The following PDE1C variants were observed in gnomAD, a reference collection of about 807,000 sequenced individuals.
The protein encoded by PDE1C is dual specificity calcium/calmodulin-dependent 3',5'-cyclic nucleotide phosphodiesterase 1C.
Under a neutral mutation model 93.1 loss-of-function variants are expected in PDE1C, and 62 were observed. The ratio of observed to expected loss-of-function variants is 0.67; its 90% CI spans 0.54 to 0.82. The LOEUF (loss-of-function observed/expected upper bound fraction) is 0.82, where lower values mean the gene tolerates loss of function less well. Among genes scored for constraint, PDE1C ranks in the 40% least tolerant of loss-of-function variants. The pLI is 0.00. For synonymous variants in PDE1C, 325 were observed against 310.1 expected, an observed-to-expected ratio of 1.05 and a Z score of -0.50; for missense variants, 742 against 884.6, an observed-to-expected ratio of 0.84 and a Z score of 2.04.
At chr7:32,266,291 AG>A (rs1469391379) in intron 1 of PDE1C, among the ~76,000 whole-genome samples, 2 of 151,728 alleles carry the variant, frequency 1.3e-5, no homozygotes, top group Non-Finnish European at 2.9e-5. Flanking sequence ...CAAAAAAAAA[AG>A]AAAAGAAAAA....
chr7:32,326,218 CCAT>C (rs1783400735), intron 1 of PDE1C, among the ~76,000 whole-genome samples: 1 of 152,150 alleles, frequency 6.6e-6, no homozygotes, highest in Non-Finnish European at 1.5e-5. Context: ...ATTTAGACAA[CCAT>C]AGATTAGACT....
intron 2 of PDE1C, among the ~76,000 whole-genome samples, chr7:31,987,112 T>C (rs1463778739): frequency 1.3e-5 from 2 of 152,222 alleles, no homozygotes; most frequent in Non-Finnish European, 2.9e-5. Flanking sequence ...CATGTTTGCA[T>C]GGACTAGGAT....
At chr7:31,704,908 A>G in the PDE1C span, among the ~76,000 whole-genome samples, 3 of 152,162 alleles carry the variant, frequency 2.0e-5, no homozygotes, top group Admixed American at 1.3e-4. Flanking sequence ...AACCCAGGCC[A>G]TCTTCATGTC....
At chr7:32,101,158 G>A (rs1798017003) in intron 3 of PDE1C, among the ~76,000 whole-genome samples, 1 of 152,166 alleles carries the variant, frequency 6.6e-6, no homozygotes. Context: ...GCAAAAGGAG[G>A]TCAACCTGTC....
At chr7:31,659,732 A>G in the PDE1C span, among the ~76,000 whole-genome samples, 1 of 152,212 alleles carries the variant, frequency 6.6e-6, no homozygotes, top group Non-Finnish European at 1.5e-5. Flanking sequence ...TCTGAAAAGC[A>G]CTATATTGCA....
At chr7:32,288,345 G>C (rs1812132231) in intron 1 of PDE1C, among the ~76,000 whole-genome samples, 1 of 152,154 alleles carries the variant, frequency 6.6e-6, no homozygotes, top group Non-Finnish European at 1.5e-5. Context: ...ATTATCATCA[G>C]CAACATGGGG....
chr7:31,891,439 G>A (rs1429224181), intron 2 of PDE1C, among the ~76,000 whole-genome samples: 1 of 152,028 alleles, frequency 6.6e-6, no homozygotes, highest in African/African-American at 2.4e-5. Flanking sequence ...CAAATGGAAT[G>A]TTGTATATTA....
intron 2 of PDE1C, among the ~76,000 whole-genome samples, chr7:31,999,153 A>T (rs992489216): frequency 6.6e-6 from 1 of 152,174 alleles, no homozygotes; most frequent in East Asian, 1.9e-4. Flanking sequence ...TGTGCTAGGC[A>T]TGTGGGGAGG....
At chr7:31,887,782 A>G (rs1391353566) in intron 2 of PDE1C, among the ~76,000 whole-genome samples, 1 of 152,100 alleles carries the variant, frequency 6.6e-6, no homozygotes, top group African/African-American at 2.4e-5. Flanking sequence ...CAATTTTGTT[A>G]TTGATTAGAA....
chr7:31,948,525 G>A (rs1806929406), intron 2 of PDE1C, among the ~76,000 whole-genome samples: 1 of 152,154 alleles, frequency 6.6e-6, no homozygotes, highest in Non-Finnish European at 1.5e-5. Flanking sequence ...GCTTCATGAA[G>A]GTTACGAATC....
chr7:32,014,997 T>C (rs938425055), intron 2 of PDE1C, among the ~76,000 whole-genome samples: 3 of 152,106 alleles, frequency 2.0e-5, no homozygotes, highest in African/African-American at 4.8e-5. Context: ...CCCCATGCTG[T>C]TCTCATGTTC....
intron 2 of PDE1C, among the ~76,000 whole-genome samples, chr7:31,895,280 T>C (rs1213529717): frequency 3.3e-5 from 5 of 151,992 alleles, no homozygotes; most frequent in African/African-American, 4.8e-5. Context: ...CTCAGCTGGA[T>C]CCATAGTGCC....
intron 1 of PDE1C, among the ~76,000 whole-genome samples, chr7:32,378,951 T>C (rs1177318502): frequency 2.0e-5 from 3 of 152,238 alleles, no homozygotes; most frequent in Non-Finnish European, 2.9e-5. Flanking sequence ...AGGAATAACC[T>C]ATCAGGCAGT....
intron 3 of PDE1C, among the ~76,000 whole-genome samples, chr7:32,140,509 A>G (rs1800456340): frequency 6.6e-6 from 1 of 152,352 alleles, no homozygotes; most frequent in Non-Finnish European, 1.5e-5. Context: ...TTATAAATGG[A>G]AAACAATTAA....
chr7:32,423,463 G>T (rs1315934928), intron 1 of PDE1C, among the ~76,000 whole-genome samples: 1 of 152,220 alleles, frequency 6.6e-6, no homozygotes, highest in Admixed American at 6.5e-5. Flanking sequence ...AAGGACCCAA[G>T]ATTGTGTGTT....
chr7:32,018,007 G>C (rs566065473), intron 2 of PDE1C, among the ~76,000 whole-genome samples: 1 of 152,028 alleles, frequency 6.6e-6, no homozygotes, highest in South Asian at 2.1e-4. Flanking sequence ...TTGAGCCCGG[G>C]AAGTGGAGGT....
At chr7:32,096,820 AAGATAGATAGAT>A (rs70989634) in intron 3 of PDE1C, among the ~76,000 whole-genome samples, 5 of 144,482 alleles carry the variant, frequency 3.5e-5, no homozygotes, top group Admixed American at 2.8e-4. Flanking sequence ...AGGGGATAGA[AAGATAGATAGAT>A]AGATAGATAG....
the PDE1C span, among the ~76,000 whole-genome samples, chr7:31,702,208 T>TTTA: frequency 3.9e-4 from 31 of 79,136 alleles, no homozygotes; most frequent in African/African-American, 1.3e-3. Flanking sequence ...CCCTTATTTA[T>TTTA]TTTTTTTTTT....
At chr7:31,730,106 A>T in the PDE1C span, among the ~76,000 whole-genome samples, 1 of 152,160 alleles carries the variant, frequency 6.6e-6, no homozygotes, top group African/African-American at 2.4e-5. Context: ...CATTTAAAGC[A>T]TCTGATTCCC....
Sources: allele counts gnomAD v4.1 joint callset (sites outside exome capture counted in the v4.1 genomes callset), GRCh38; gene constraint gnomAD v4.1.1; transcripts MANE v1.5; gene names NCBI Gene and HGNC (gene_info 2026-07-23, HGNC 2026-07-21).